TVP23C: variants seen among roughly 807,000 people sequenced by gnomAD.
TVP23C encodes Golgi apparatus membrane protein TVP23 homolog C.
TVP23C carries 19 observed loss-of-function variants against 28.7 expected under a neutral mutation model. That is an observed-to-expected ratio of 0.66 (90% confidence interval 0.46 to 0.97). TVP23C has a LOEUF of 0.97. Among genes scored for constraint, TVP23C ranks in the 50% least tolerant of loss-of-function variants. The probability of loss-of-function intolerance (pLI) is 0.00; values close to 1 mark genes in which losing one functional copy is unlikely to be tolerated. For missense variants in TVP23C, 186 were observed against 241.3 expected (o/e 0.77, Z 1.52); for synonymous variants, 68 against 81.7 (o/e 0.83, Z 0.90).
chr17:15,528,691 C>T (rs1982827886), intron 5 of TVP23C, among the ~76,000 whole-genome samples: 1 of 151,610 alleles, frequency 6.6e-6, no homozygotes, highest in Non-Finnish European at 1.5e-5. Context: ...CCGAAGCTTC[C>T]ACCTCCCGAG....
At chr17:15,525,938 C>T (rs1170328018) in intron 5 of TVP23C, among the ~76,000 whole-genome samples, 4 of 152,168 alleles carry the variant, frequency 2.6e-5, no homozygotes, top group South Asian at 4.1e-4. Flanking sequence ...CTCCCTCACA[C>T]GGTCATTGCA....
At chr17:15,509,819 C>A (rs1446940850) in intron 5 of TVP23C, among the ~76,000 whole-genome samples, 1 of 152,212 alleles carries the variant, frequency 6.6e-6, no homozygotes, top group Non-Finnish European at 1.5e-5. Flanking sequence ...AGTGCTCCTT[C>A]CCTGGCTCAC....
At chr17:15,502,831 T>TCC (rs35199639) in exon 6 of TVP23C, 3 of 1,523,152 alleles carry the variant, frequency 2.0e-6, no homozygotes, top group Non-Finnish European at 2.7e-6. Flanking sequence ...TCTCTCTCTC[T>TCC]CCTGCGAGGA....
chr17:15,557,975 A>G (rs1183948942), intron 1 of TVP23C, among the ~76,000 whole-genome samples: 1 of 148,820 alleles, frequency 6.7e-6, no homozygotes, highest in Non-Finnish European at 1.5e-5. Flanking sequence ...CTGAAAAGGT[A>G]AAATGGATTC....
In TVP23C at chr17:15,506,799, G is replaced by A. The variant is rs185555791; in HGVS notation, c.463-3567C>T. The A allele has an allele frequency of 3.5e-5, 18 of 511,622 alleles. No homozygotes were observed. In the East Asian group the frequency reaches 5.0e-4, roughly 14 times the overall value. The allele number at this position is 511,622 out of a possible 1,614,324, so 31.7% of individuals were successfully genotyped here. On this transcript the variant is annotated intron_variant, in intron 5 of 5. Coordinates refer to the TVP23C transcript ENST00000225576. ...CACCTTAAGAGCTGTAACACTCACCGCGAGGGTCCGCGGCTTCATTCTTGA... is the reference window on the plus strand; with the variant it reads ...CACCTTAAGAGCTGTAACACTCACCACGAGGGTCCGCGGCTTCATTCTTGA...
chr17:15,553,963 A>T, intron 2 of TVP23C, 134 bp from the exon 3 acceptor site: 1 of 1,509,144 alleles, frequency 6.6e-7, no homozygotes, highest in Non-Finnish European at 9.0e-7. Context: ...CTTTAGTAGG[A>T]GGAAGCAAAC....
chr17:15,530,411 T>C (rs1191903025), intron 5 of TVP23C, among the ~76,000 whole-genome samples: 1 of 152,150 alleles, frequency 6.6e-6, no homozygotes, highest in Non-Finnish European at 1.5e-5. Context: ...CTCAAAAACT[T>C]TGGTATAGCT....
At chr17:15,556,571 C>G (rs1314079470) in intron 1 of TVP23C, among the ~76,000 whole-genome samples, 1 of 152,054 alleles carries the variant, frequency 6.6e-6, no homozygotes, top group East Asian at 1.9e-4. Context: ...ACCGTGTTAA[C>G]CAGGAGATTT....
chr17:15,531,880 A>G (rs963216337), intron 5 of TVP23C, among the ~76,000 whole-genome samples: 5 of 152,218 alleles, frequency 3.3e-5, no homozygotes, highest in African/African-American at 1.2e-4. Flanking sequence ...CAACTCTGCA[A>G]ATCAGATTTG....
chr17:15,507,422 C>T (rs1981804908), intron 5 of TVP23C: 1 of 551,548 alleles, frequency 1.8e-6, no homozygotes, highest in Non-Finnish European at 3.3e-6. Context: ...CACCCTCCAC[C>T]CCATTTGCTC....
intron 1 of TVP23C, among the ~76,000 whole-genome samples, chr17:15,555,766 A>G (rs1412797135): frequency 6.6e-6 from 1 of 151,600 alleles, no homozygotes; most frequent in African/African-American, 2.4e-5. Context: ...TAGTTCCATG[A>G]CCCCTTCTCA....
At chr17:15,550,614 T>C (rs1184259769) in intron 3 of TVP23C, among the ~76,000 whole-genome samples, 1 of 152,206 alleles carries the variant, frequency 6.6e-6, no homozygotes, top group Non-Finnish European at 1.5e-5. Flanking sequence ...TTCTATTTTC[T>C]AATATTTCCA....
At position 15,539,511 on chromosome 17, in the gene TVP23C, G is replaced by A. The variant is rs1458735988; in HGVS notation, c.*901C>T. Reference sequence around the variant, plus strand: ...CCAGCTACTCGGGAGGCTGATGCAGGAGAATGGCGTGAACCCGGGAGGCGG... The same window carrying A: ...CCAGCTACTCGGGAGGCTGATGCAGAAGAATGGCGTGAACCCGGGAGGCGG... On this transcript the variant is annotated 3_prime_UTR_variant, in exon 6 of 6. Coordinates refer to ENST00000518321, the MANE Select transcript of TVP23C (RefSeq NM_001135036.2). 1.8e-6 allele frequency: 1 copy of A among 553,000 alleles called. No homozygotes were observed. Among genetic ancestry groups the A allele is most frequent in the Admixed American group, 6.4e-5 (1 of 15,664 alleles). 34.3% of individuals were successfully genotyped at this position (553,000 alleles called of 1,614,324 possible).
At chr17:15,502,813 T>TCTCTCCTCTCTCTC (rs768159514) in exon 6 of TVP23C, 1 of 308,902 alleles carries the variant, frequency 3.2e-6, no homozygotes, top group Non-Finnish European at 5.5e-6. Context: ...CTCTCTCCTC[T>TCTCTCCTCTCTCTC]CTCTCTCTCT....
chr17:15,506,809 G>A (rs982574208), intron 5 of TVP23C: 19 of 543,114 alleles, frequency 3.5e-5, no homozygotes, highest in African/African-American at 1.5e-4. Flanking sequence ...GCGAGGGTCC[G>A]CGGCTTCATT....
chr17:15,537,452 T>G lies in TVP23C; in HGVS notation c.*2960A>C. 1.0e-6 allele frequency: 1 copy of G among 985,184 alleles called. No individual in the cohort carries two copies. Among genetic ancestry groups the G allele is most frequent in the Non-Finnish European group, 1.2e-6 (1 of 829,704 alleles). The allele number at this position is 985,184 out of a possible 1,614,324, so 61.0% of individuals were successfully genotyped here. ...TATCCTTTCTGTAAAATAAATAGAA[T>G]AGCAGCAATCTCTGGGTATTCCTTA... On this transcript the variant is annotated 3_prime_UTR_variant, in exon 6 of 6. Transcript: ENST00000518321.
chr17:15,549,038 C>G (rs993254017), intron 3 of TVP23C, among the ~76,000 whole-genome samples: 36 of 152,124 alleles, frequency 2.4e-4, no homozygotes, highest in Non-Finnish European at 1.3e-4. Context: ...ATAACTCAAT[C>G]AGAAATTTAC....
At chr17:15,527,027 C>G (rs1030562703) in intron 5 of TVP23C, among the ~76,000 whole-genome samples, 7 of 152,148 alleles carry the variant, frequency 4.6e-5, no homozygotes, top group African/African-American at 1.7e-4. Flanking sequence ...CGGTAAAGTT[C>G]CAGGCCACCA....
At chr17:15,560,967 T>C (rs1032308768) in intron 1 of TVP23C, among the ~76,000 whole-genome samples, 6 of 151,722 alleles carry the variant, frequency 4.0e-5, no homozygotes, top group Non-Finnish European at 7.4e-5. Flanking sequence ...ACTAGAACAA[T>C]GCCTTCCAGT....
Sources: allele counts gnomAD v4.1 joint callset (sites outside exome capture counted in the v4.1 genomes callset), GRCh38; gene constraint gnomAD v4.1.1; transcripts MANE v1.5; gene names NCBI Gene and HGNC (gene_info 2026-07-23, HGNC 2026-07-21).